The following HMBOX1 variants were observed in gnomAD, a reference collection of about 807,000 sequenced individuals.
HMBOX1 encodes the protein homeobox-containing protein 1.
A neutral mutation model predicts 54.5 loss-of-function variants in HMBOX1; 14 were observed. The ratio of observed to expected loss-of-function variants is 0.26; its 90% CI spans 0.17 to 0.40. HMBOX1 has a LOEUF of 0.40. Ranked by LOEUF, HMBOX1 falls within the 10% of genes least tolerant of loss-of-function variation. The probability of loss-of-function intolerance (pLI) is 1.00; values close to 1 mark genes in which losing one functional copy is unlikely to be tolerated. For missense variants in HMBOX1, 332 were observed against 514.4 expected (o/e 0.65, Z 3.43); for synonymous variants, 160 against 181.0 (o/e 0.88, Z 0.93).
chr8:29,032,468 T>C (rs1281730744), intron 6 of HMBOX1, among the ~76,000 whole-genome samples: 3 of 152,184 alleles, frequency 2.0e-5, no homozygotes, highest in African/African-American at 4.8e-5. Context: ...AATCTTTTGA[T>C]CAATTTTTTT....
intron 1 of HMBOX1, among the ~76,000 whole-genome samples, chr8:28,931,756 G>A (rs1299497186): frequency 6.6e-6 from 1 of 152,164 alleles, no homozygotes; most frequent in East Asian, 1.9e-4. Context: ...GCCCAAGCCA[G>A]TCTGGAACTC....
At position 28,970,015 on chromosome 8, in the gene HMBOX1, A is replaced by G; in HGVS notation, c.24-28A>G. On this transcript the variant is annotated intron_variant, in intron 2 of 9. Coordinates refer to ENST00000287701, the MANE Select transcript of HMBOX1 (RefSeq NM_001135726.3). This position sits in a 1 kb window ranked among gnomAD's most constrained non-coding sequence, Gnocchi z 4.3. ...GCTTTGGTAGATACTGTCAATAAAG[A>G]GACTTCTTTTTATCTCTTTTTTTTT... The G allele has an allele frequency of 7.2e-7, 1 of 1,391,912 alleles. No homozygotes were observed. The allele number at this position is 1,391,912 out of a possible 1,614,324, so 86.2% of individuals were successfully genotyped here.
At position 28,960,701 on chromosome 8, in the gene HMBOX1, A is replaced by G. The variant is rs887928854; in HGVS notation, c.-57-3110A>G. Among the ~76,000 whole-genome samples the G allele has an allele frequency of 1.3e-4, 15 of 119,308 alleles. No homozygotes were observed. The East Asian group carries it at 2.2e-3, about 18-fold the overall frequency. The allele number at this position is 119,308 out of a possible 152,430, so 78.3% of individuals were successfully genotyped here. On this transcript the variant is annotated intron_variant, in intron 1 of 9. Coordinates refer to ENST00000287701, the MANE Select transcript of HMBOX1 (RefSeq NM_001135726.3). The stretch of plus-strand genomic sequence containing the variant: ...TTTGGTCTTTGTGTTTGTAACTCTT[A>G]TATCTTGGTCATAAACTGTATATTT...
chr8:28,901,753 T>C lies in HMBOX1; in HGVS notation c.-58+11075T>C, dbSNP rs541582918. On this transcript the variant is annotated intron_variant, in intron 1 of 9. Transcript: ENST00000287701. ...TGTGATGGGTTTGCTAACATTTCCT[T>C]TCCTCCCTTTTCCATGTCTTATTTT... 3.3e-5 allele frequency among the ~76,000 whole-genome samples: 5 copies of C among 152,322 alleles called. No homozygotes were observed. In the East Asian group the frequency reaches 7.7e-4, roughly 23 times the overall value.
At chr8:28,978,404 T>G (rs1006501567) in intron 3 of HMBOX1, among the ~76,000 whole-genome samples, 3 of 152,170 alleles carry the variant, frequency 2.0e-5, no homozygotes, top group Non-Finnish European at 4.4e-5. Context: ...TTGTCTCAGA[T>G]CAGGGGTCAG....
At chr8:28,980,606 A>G (rs948585371) in intron 4 of HMBOX1, among the ~76,000 whole-genome samples, 3 of 152,174 alleles carry the variant, frequency 2.0e-5, no homozygotes, top group Non-Finnish European at 2.9e-5. Flanking sequence ...TCCTTGAAAC[A>G]TTACTGAGAA....
At chr8:28,913,271 C>T (rs2131688065) in intron 1 of HMBOX1, among the ~76,000 whole-genome samples, 1 of 152,320 alleles carries the variant, frequency 6.6e-6, no homozygotes, top group East Asian at 1.9e-4. Context: ...TTGTAAGACT[C>T]TCCAACATAT....
intron 8 of HMBOX1, among the ~76,000 whole-genome samples, chr8:29,047,989 ATTC>A (rs1805851627): frequency 6.6e-6 from 1 of 152,238 alleles, no homozygotes; most frequent in African/African-American, 2.4e-5. Context: ...TATAAAACTC[ATTC>A]TTCTTAAAGT....
chr8:28,973,089 C>G (rs983545540), intron 3 of HMBOX1, among the ~76,000 whole-genome samples: 5 of 152,168 alleles, frequency 3.3e-5, no homozygotes, highest in African/African-American at 1.2e-4. Context: ...TCACCCACTG[C>G]TGCACTCCTG....
intron 1 of HMBOX1, among the ~76,000 whole-genome samples, chr8:28,911,383 T>A (rs1815380762): frequency 6.6e-6 from 1 of 151,956 alleles, no homozygotes; most frequent in African/African-American, 2.4e-5. Context: ...TTTTTTGAAG[T>A]CTCCCTCTAT....
chr8:28,967,074 A>G (rs529036468), intron 2 of HMBOX1, among the ~76,000 whole-genome samples: 1 of 152,206 alleles, frequency 6.6e-6, no homozygotes, highest in Non-Finnish European at 1.5e-5. Context: ...CTGCTTCCAT[A>G]TAATGAGGAA....
chr8:28,927,473 A>G (rs918473092), intron 1 of HMBOX1, among the ~76,000 whole-genome samples: 4 of 152,078 alleles, frequency 2.6e-5, no homozygotes, highest in Admixed American at 1.3e-4. Flanking sequence ...ACTTCCACTC[A>G]TGGTGGAAGG....
intron 9 of HMBOX1, 37 bp downstream of exon 9, chr8:29,049,085 CTG>C (rs1339912424): frequency 6.3e-7 from 1 of 1,585,028 alleles, no homozygotes; most frequent in Non-Finnish European, 8.7e-7. Flanking sequence ...TTCTTGGTGC[CTG>C]AGCAGGGGGT....
At chr8:29,005,348 T>G in intron 4 of HMBOX1, among the ~76,000 whole-genome samples, 1 of 152,150 alleles carries the variant, frequency 6.6e-6, no homozygotes, top group East Asian at 1.9e-4. Flanking sequence ...AAGAAAACAA[T>G]ATAGAGATAG....
chr8:29,020,666 A>C (rs1377239133), intron 6 of HMBOX1, among the ~76,000 whole-genome samples: 1 of 152,224 alleles, frequency 6.6e-6, no homozygotes, highest in Admixed American at 6.5e-5. Flanking sequence ...CAATAGTTGC[A>C]AAAGCACAGA....
intron 1 of HMBOX1, among the ~76,000 whole-genome samples, chr8:28,911,556 A>T (rs1370014889): frequency 2.6e-5 from 4 of 152,030 alleles, no homozygotes. Flanking sequence ...GGATTTCACC[A>T]CATTGGCCAG....
upstream of HMBOX1, chr8:28,890,161 G>A (rs911526932): frequency 2.0e-6 from 1 of 492,940 alleles, no homozygotes; most frequent in African/African-American, 2.0e-5. Context: ...CTCCACCCCA[G>A]CATGATATCA....
intron 1 of HMBOX1, among the ~76,000 whole-genome samples, chr8:28,952,176 GAAAAA>G (rs1389434755): frequency 7.3e-6 from 1 of 136,090 alleles, no homozygotes; most frequent in Non-Finnish European, 1.6e-5. Context: ...AAAAAAAAAA[GAAAAA>G]GAAAAGAAAA....
intron 1 of HMBOX1, among the ~76,000 whole-genome samples, chr8:28,955,680 G>C (rs146834754): frequency 6.6e-6 from 1 of 152,094 alleles, no homozygotes; most frequent in Non-Finnish European, 1.5e-5. Context: ...GGCTGGGCAC[G>C]GTGGCTCACG....
Sources: allele counts gnomAD v4.1 joint callset (sites outside exome capture counted in the v4.1 genomes callset), GRCh38; gene constraint gnomAD v4.1.1; non-coding constraint Gnocchi (gnomAD v3.1); transcripts MANE v1.5; gene names NCBI Gene and HGNC (gene_info 2026-07-23, HGNC 2026-07-21).